SNX13: variants seen among roughly 807,000 people sequenced by gnomAD.
SNX13 encodes the protein sorting nexin-13.
In SNX13, 45 loss-of-function variants were observed where a neutral mutation model predicts 133.6. The ratio of observed to expected loss-of-function variants is 0.34; its 90% confidence interval spans 0.27 to 0.43. The LOEUF (loss-of-function observed/expected upper bound fraction) is 0.43. Among genes scored for constraint, SNX13 ranks in the 20% least tolerant of loss-of-function variants. The probability of loss-of-function intolerance (pLI) is 1.00; values close to 1 mark genes in which losing one functional copy is unlikely to be tolerated. For missense variants in SNX13, 1,032 were observed against 1,145.1 expected, an observed-to-expected ratio of 0.90 and a Z score of 1.43; for synonymous variants, 414 against 373.9, an observed-to-expected ratio of 1.11 and a Z score of -1.24.
At chr7:17,801,335 G>A (rs1784626360) in intron 22 of SNX13, among the ~76,000 whole-genome samples, 1 of 151,702 alleles carries the variant, frequency 6.6e-6, no homozygotes, top group South Asian at 2.1e-4. Context: ...TAGAAGTTAG[G>A]ATAGTGATGG....
At chr7:17,937,874 C>T (rs1192121590) in intron 1 of SNX13, among the ~76,000 whole-genome samples, 1 of 152,182 alleles carries the variant, frequency 6.6e-6, no homozygotes, top group Non-Finnish European at 1.5e-5. Context: ...CAGGCACATA[C>T]TACAATTCAC....
chr7:17,833,472 A>G (rs1164033074), intron 15 of SNX13, among the ~76,000 whole-genome samples: 3 of 151,818 alleles, frequency 2.0e-5, no homozygotes, highest in East Asian at 3.9e-4. Context: ...GAATGGGAGT[A>G]AAATCGAAAT....
intron 5 of SNX13, among the ~76,000 whole-genome samples, chr7:17,883,442 T>A (rs1795599916): frequency 6.6e-6 from 1 of 152,226 alleles, no homozygotes; most frequent in South Asian, 2.1e-4. Flanking sequence ...ATAAAACTAC[T>A]AAAACTAAGA....
At chr7:17,871,943 T>C (rs377695196) in intron 8 of SNX13, among the ~76,000 whole-genome samples, 1 of 152,196 alleles carries the variant, frequency 6.6e-6, no homozygotes, top group African/African-American at 2.4e-5. Context: ...TAGATGATCA[T>C]ACCACTTACT....
chr7:17,830,464 A>G, intron 15 of SNX13: 24 of 984,210 alleles, frequency 2.4e-5, no homozygotes, highest in Non-Finnish European at 2.8e-5. Context: ...TACAAATAAA[A>G]TCAGTCTGTA....
intron 15 of SNX13, chr7:17,830,927 T>C: frequency 1.0e-6 from 1 of 984,452 alleles, no homozygotes; most frequent in Non-Finnish European, 1.2e-6. Context: ...GCCTTCCAAA[T>C]TTACTCTAAA....
intron 13 of SNX13, among the ~76,000 whole-genome samples, chr7:17,836,320 C>T (rs967441108): frequency 6.6e-6 from 1 of 151,982 alleles, no homozygotes; most frequent in African/African-American, 2.4e-5. Flanking sequence ...AGTTCGAGAA[C>T]AGCCTGGCCC....
At position 17,794,317 on chromosome 7, in the gene SNX13, C is replaced by T. The variant is rs891520429; in HGVS notation, c.2627-25G>A. The T allele has an allele frequency of 3.1e-6, 5 of 1,590,264 alleles. No homozygotes were observed. In the African/African-American group the frequency reaches 4.1e-5, roughly 13 times the overall value. On this transcript the variant is annotated intron_variant, in intron 25 of 25. Transcript: ENST00000428135. ...TCTAAATGAAGTGGAGGAAAACACA[C>T]ATAATTATTCAAAGGAAACACAAGG...
chr7:17,826,133 AG>A (rs1176983190), intron 16 of SNX13, 42 bp from the exon 17 acceptor site: 7 of 1,332,228 alleles, frequency 5.3e-6, no homozygotes, highest in South Asian at 1.4e-5. Context: ...AAAATTTTAT[AG>A]GGAAAAAAAA....
At chr7:17,821,487 C>A (rs1362642077) in intron 18 of SNX13, 22 bp downstream of exon 18, 1 of 1,588,770 alleles carries the variant, frequency 6.3e-7, no homozygotes, top group Non-Finnish European at 8.6e-7. Context: ...ATAAAGTACA[C>A]AAGTTTTTAA....
rs766394976 is a variant in SNX13, at chr7:17,850,884, G to C, written c.918C>G (p.Val306=). 6 of 1,611,922 alleles carry C rather than the reference G, an allele frequency of 3.7e-6. No individual in the cohort carries two copies. The highest frequency in any genetic ancestry group is 3.3e-5 in the South Asian group (3 of 90,812). The part of the protein sequence containing the change: ...LSDNIGELEA[V]RDKAAEELQY... ...GTAATTCTTCTGCTGCCTTATCTCT[G>C]ACTGCTTCTAGCTCTCCAATATTGT... The change falls in exon 10 of 26, where the codon GTC becomes GTG. Residue 306 remains valine, a synonymous_variant. Coordinates refer to ENST00000428135, the MANE Select transcript of SNX13 (RefSeq NM_015132.5).
intron 9 of SNX13, among the ~76,000 whole-genome samples, chr7:17,865,640 G>A (rs1308540873): frequency 1.3e-5 from 2 of 152,092 alleles, no homozygotes; most frequent in Middle Eastern, 3.4e-3. Context: ...ATCCCAAAAT[G>A]TATTAATATA....
intron 17 of SNX13, among the ~76,000 whole-genome samples, chr7:17,821,967 A>C (rs1207666078): frequency 6.6e-6 from 1 of 152,198 alleles, no homozygotes; most frequent in Non-Finnish European, 1.5e-5. Context: ...ACATCACTAC[A>C]TCATTACATT....
intron 5 of SNX13, among the ~76,000 whole-genome samples, 154 bp from the exon 6 acceptor site, chr7:17,875,944 C>T (rs1794681831): frequency 6.6e-6 from 1 of 152,154 alleles, no homozygotes; most frequent in Non-Finnish European, 1.5e-5. Context: ...TACTGTTTCA[C>T]AAGATTCAAA....
At chr7:17,829,647 T>C (rs1024908745) in intron 16 of SNX13, among the ~76,000 whole-genome samples, 10 of 151,370 alleles carry the variant, frequency 6.6e-5, no homozygotes, top group African/African-American at 2.4e-4. Flanking sequence ...GATTCCAATA[T>C]AAACATTTAT....
chr7:17,868,539 C>T, intron 8 of SNX13, 49 bp from the exon 9 acceptor site: 1 of 1,367,278 alleles, frequency 7.3e-7, no homozygotes, highest in South Asian at 1.3e-5. Context: ...TTTCTGAAAT[C>T]AACAGCATAA....
intron 1 of SNX13, among the ~76,000 whole-genome samples, chr7:17,918,231 A>C (rs1799761763): frequency 6.6e-6 from 1 of 152,162 alleles, no homozygotes; most frequent in Admixed American, 6.6e-5. Context: ...TAGCCAAAGA[A>C]TTTATAAGTC....
chr7:17,870,546 T>G (rs1793965892), intron 8 of SNX13, among the ~76,000 whole-genome samples: 1 of 152,182 alleles, frequency 6.6e-6, no homozygotes, highest in African/African-American at 2.4e-5. Context: ...TCCTACTTAT[T>G]TTAAATAACT....
chr7:17,938,033 C>A (rs900045191), intron 1 of SNX13, among the ~76,000 whole-genome samples: 2 of 152,124 alleles, frequency 1.3e-5, no homozygotes, highest in Admixed American at 1.3e-4. Context: ...TCAGCAATGT[C>A]TAGCAGAAGC....
Sources: gnomAD v4.1 joint callset for allele counts (sites outside exome capture counted in the v4.1 genomes callset) on GRCh38, gnomAD v4.1.1 for gene constraint, MANE v1.5 for transcripts, NCBI Gene and HGNC (gene_info 2026-07-23, HGNC 2026-07-21) for gene names.